ZRSR2: variants seen among roughly 807,000 people sequenced by gnomAD.
ZRSR2 encodes U2 small nuclear ribonucleoprotein auxiliary factor 35 kDa subunit-related protein 2.
ZRSR2 carries 3 observed loss-of-function variants against 39.4 expected under a neutral mutation model. That is an observed-to-expected ratio of 0.08 (90% CI 0.03 to 0.20). The LOEUF (loss-of-function observed/expected upper bound fraction) is 0.20, where lower values mean the gene tolerates loss of function less well. Ranked by LOEUF, ZRSR2 falls within the 10% of genes least tolerant of loss-of-function variation. The pLI, the probability that ZRSR2 is intolerant of heterozygous loss-of-function variation, is 1.00. For missense variants in ZRSR2, 256 were observed against 391.5 expected, an observed-to-expected ratio of 0.65 and a Z score of 2.92; for synonymous variants, 137 against 136.0, an observed-to-expected ratio of 1.01 and a Z score of -0.05.
chrX:15,803,542 T>C, intron 3 of ZRSR2, 146 bp from the exon 4 acceptor site: 1 of 733,555 alleles, frequency 1.4e-6, no homozygotes, highest in Non-Finnish European at 1.9e-6. Flanking sequence ...CTTCTCGTTC[T>C]CTTACACCCA....
At chrX:15,811,231 C>G (rs1932875755) in intron 7 of ZRSR2, among the ~76,000 whole-genome samples, 1 of 112,140 alleles carries the variant, frequency 8.9e-6, no homozygotes, top group African/African-American at 3.2e-5. Context: ...GTGTAAAAAA[C>G]TTCCCACCAA....
chrX:15,815,779 C>T lies in ZRSR2; in HGVS notation c.660C>T (p.Asp220=). 1 of 1,211,142 alleles carries T rather than the reference C, an allele frequency of 8.3e-7. No individual in the cohort carries two copies. The highest frequency in any genetic ancestry group is 1.1e-6 in the Non-Finnish European group (1 of 894,938). The part of the protein sequence containing the change: ...GMEQCRRDDY[D]PDASLEYSEE... ...AGCAGTGCAGGAGGGATGACTATGA[C>T]CCTGACGCAAGCCTGGAGTACAGCG... The change falls in exon 8 of 11, where the codon GAC becomes GAT. Residue 220 remains aspartate, a synonymous_variant. Coordinates refer to ENST00000307771, the MANE Select transcript of ZRSR2 (RefSeq NM_005089.4).
At chrX:15,799,803 T>C (rs937296781) in intron 2 of ZRSR2, 69 bp from the exon 3 acceptor site, 2 of 688,873 alleles carry the variant, frequency 2.9e-6, no homozygotes, top group Non-Finnish European at 4.4e-6. Flanking sequence ...AGATTACATG[T>C]ATTTTTTTCC....
At position 15,804,167 on chromosome X, in the gene ZRSR2, G is replaced by A. The variant is rs1219839312; in HGVS notation, c.369G>A (p.Glu123=). 9.2e-6 allele frequency: 11 copies of A among 1,197,252 alleles called. No individual in the cohort carries two copies. Among genetic ancestry groups the A allele is most frequent in the Admixed American group, 2.3e-5 (1 of 43,321 alleles). Residue 123 remains glutamate (E), a synonymous_variant, in exon 5 of 11, where the codon GAG becomes GAA. Coordinates refer to ENST00000307771, the MANE Select transcript of ZRSR2 (RefSeq NM_005089.4). Reference sequence around the variant, plus strand: ...AGAGGAAAGAGAGAGAAGAGGAGGAGCAGAAACGACAGGAGAAGAAAGAAA... The same window carrying A: ...AGAGGAAAGAGAGAGAAGAGGAGGAACAGAAACGACAGGAGAAGAAAGAAA... ...EQQRKEREEE[E]QKRQEKKEKE... is the part of the protein sequence containing the mutation.
chrX:15,804,101 C>T lies in ZRSR2; in HGVS notation c.313-10C>T. 8.6e-7 allele frequency: 1 copy of T among 1,167,630 alleles called. No homozygotes were observed. On this transcript the variant is annotated splice_polypyrimidine_tract_variant and intron_variant, in intron 4 of 10. Coordinates refer to ENST00000307771, the MANE Select transcript of ZRSR2 (RefSeq NM_005089.4). Reference sequence around the variant, plus strand: ...ACTGAAACAAAGTTACTTTTTCTTCCCCTTTAAAGAGAAAGTTAAAGGAAC... The same window carrying T: ...ACTGAAACAAAGTTACTTTTTCTTCTCCTTTAAAGAGAAAGTTAAAGGAAC...
intron 5 of ZRSR2, among the ~76,000 whole-genome samples, chrX:15,807,578 C>T (rs1932813079): frequency 9.1e-6 from 1 of 109,665 alleles, no homozygotes; most frequent in Non-Finnish European, 1.9e-5. Flanking sequence ...GTGTGAGCCA[C>T]CATGCCCGGC....
intron 7 of ZRSR2, among the ~76,000 whole-genome samples, chrX:15,813,700 A>T (rs927213997): frequency 8.9e-6 from 1 of 111,882 alleles, no homozygotes; most frequent in African/African-American, 3.2e-5. Flanking sequence ...TCCTTGTTTA[A>T]TTCTCTGCAT....
chrX:15,820,213 A>G lies in ZRSR2; in HGVS notation c.834A>G (p.Glu278=). 9 of 1,209,289 alleles carry G rather than the reference A, an allele frequency of 7.4e-6. No individual in the cohort carries two copies. Among genetic ancestry groups the G allele is most frequent in the Non-Finnish European group, 1.0e-5 (9 of 893,357 alleles). ...TTTGATTTTTGGTTTAAAGGGAAGA[A>G]GAATGCCAAGCAGCCCTTTCTCTGT... The part of the protein sequence containing the change: ...GNVYVQYQSE[E]ECQAALSLFN... Residue 278 remains glutamate (E), a synonymous_variant, in exon 10 of 11, where the codon GAA becomes GAG. Coordinates refer to ENST00000307771, the MANE Select transcript of ZRSR2 (RefSeq NM_005089.4).
chrX:15,801,592 C>T (rs41304723), intron 3 of ZRSR2: 10,007 of 149,030 alleles, frequency 0.067, 386 homozygotes, highest in South Asian at 0.1. Flanking sequence ...TAAAGTCAAT[C>T]ACAGTATCCA....
At chrX:15,794,073 C>T (rs1183168143) in intron 2 of ZRSR2, among the ~76,000 whole-genome samples, 3 of 112,232 alleles carry the variant, frequency 2.7e-5, no homozygotes, top group Non-Finnish European at 5.6e-5. Flanking sequence ...AGTTGCAAAA[C>T]TATAGCATGA....
intron 2 of ZRSR2, 86 bp from the exon 3 acceptor site, chrX:15,799,786 A>G (rs924159470): frequency 1.8e-5 from 10 of 558,464 alleles, no homozygotes; most frequent in Non-Finnish European, 2.8e-5. Context: ...ATAATTTTAT[A>G]CATTAAAGAT....
rs1038253254 is a variant in ZRSR2, at chrX:15,823,121, G to A, written c.1328G>A (p.Ser443Asn). The A allele has an allele frequency of 8.3e-7, 1 of 1,205,146 alleles. No individual in the cohort carries two copies. Among genetic ancestry groups the A allele is most frequent in the African/African-American group, 1.7e-5 (1 of 57,637 alleles). The change falls in exon 11 of 11, where the codon AGC (serine) becomes AAC (asparagine). Residue 443 changes from serine to asparagine, a missense_variant. Ser to Asn is a conservative substitution (Grantham distance 46, BLOSUM62 1). This residue lies in a region of ZRSR2 where 111 missense variants were observed against 116.7 expected (regional missense o/e 0.95). Transcript: ENST00000307771. The part of the protein sequence containing the change: ...RSRGRGSRSR[S>N]RSRSRRSRRS... ...CGGGGCCGGGGCAGCCGGAGCCGGAGCCGGAGCCGGAGCCGCAGGAGCCGC... is the reference window on the plus strand; with the variant it reads ...CGGGGCCGGGGCAGCCGGAGCCGGAACCGGAGCCGGAGCCGCAGGAGCCGC...
At chrX:15,820,590 G>T (rs1933082800) in intron 10 of ZRSR2, among the ~76,000 whole-genome samples, 1 of 112,171 alleles carries the variant, frequency 8.9e-6, no homozygotes, top group African/African-American at 3.2e-5. Flanking sequence ...CCTGGGCTCT[G>T]TGTCTGACAA....
intron 2 of ZRSR2, among the ~76,000 whole-genome samples, chrX:15,795,793 G>T (rs1932433965): frequency 9.0e-6 from 1 of 111,318 alleles, no homozygotes; most frequent in African/African-American, 3.3e-5. Flanking sequence ...GTCCTTTGTG[G>T]TGTTTTTCTA....
intron 2 of ZRSR2, among the ~76,000 whole-genome samples, chrX:15,796,143 C>T (rs1213980401): frequency 9.0e-6 from 1 of 110,784 alleles, no homozygotes; most frequent in Non-Finnish European, 1.9e-5. Context: ...ATTCTCCTGC[C>T]TCAGCCTCCA....
At chrX:15,817,151 C>G (rs1362704429) in intron 8 of ZRSR2, among the ~76,000 whole-genome samples, 2 of 112,048 alleles carry the variant, frequency 1.8e-5, no homozygotes, top group Non-Finnish European at 3.8e-5. Context: ...GGGAGGGCTG[C>G]TTTCAGAACT....
At position 15,823,099 on chromosome X, in the gene ZRSR2, G is replaced by GGCCGGGGCAGCCGGA. The variant is rs746713986; in HGVS notation, c.1312_1326dup (p.Gly438_Arg442dup). The GGCCGGGGCAGCCGGA allele has an allele frequency of 2.2e-5, 26 of 1,204,330 alleles. No individual in the cohort carries two copies. The highest frequency in any genetic ancestry group is 5.9e-5 in the East Asian group (2 of 33,700). ...GGACCGCAGCAGGGACCGCAGCCGGGGCCGGGGCAGCCGGAGCCGGAGCCG... is the reference window on the plus strand; with the variant it reads ...GGACCGCAGCAGGGACCGCAGCCGGGGCCGGGGCAGCCGGAGCCGGGGCAGCCGGAGCCGGAGCCG... On this transcript the variant is annotated inframe_insertion, in exon 11 of 11. Coordinates refer to ENST00000307771, the MANE Select transcript of ZRSR2 (RefSeq NM_005089.4).
At chrX:15,795,108 A>C (rs1932408594) in intron 2 of ZRSR2, among the ~76,000 whole-genome samples, 1 of 75,430 alleles carries the variant, frequency 1.3e-5, no homozygotes, top group African/African-American at 5.4e-5. Flanking sequence ...CCATATTTAC[A>C]ATCTCTTTCA....
chrX:15,815,843 G>A lies in ZRSR2; in HGVS notation c.724G>A (p.Asp242Asn). 1 of 1,210,097 alleles carries A rather than the reference G, an allele frequency of 8.3e-7. No individual in the cohort carries two copies. The highest frequency in any genetic ancestry group is 1.1e-6 in the Non-Finnish European group (1 of 894,879). The stretch of plus-strand genomic sequence containing the variant: ...CCAACAGTTCCTAGACTTCTATGAG[G>A]ATGTGTTGCCCGAGTTCAAGAACGT... ...TYQQFLDFYE[D>N]VLPEFKNVGK... Residue 242 changes from aspartate to asparagine, a missense_variant, in exon 8 of 11, where the codon GAT becomes AAT. Transcript: ENST00000307771.
Sources: allele counts gnomAD v4.1 joint callset (sites outside exome capture counted in the v4.1 genomes callset), GRCh38; gene constraint gnomAD v4.1.1; regional missense constraint gnomAD v4.1.1; transcripts MANE v1.5; gene names NCBI Gene and HGNC (gene_info 2026-07-23, HGNC 2026-07-21).